The following EIF4H variants were observed in gnomAD, a reference collection of about 807,000 sequenced individuals.
EIF4H encodes eukaryotic translation initiation factor 4H.
Under a neutral mutation model 30.6 loss-of-function variants are expected in EIF4H, and 8 were observed. That is an observed-to-expected ratio of 0.26 (90% CI 0.15 to 0.47). The LOEUF (loss-of-function observed/expected upper bound fraction) is 0.47. EIF4H is among the 20% of genes least tolerant of loss of function. The pLI is 0.99. For synonymous variants in EIF4H, 106 were observed against 122.7 expected (o/e 0.86, Z 0.90); for missense variants, 188 against 339.5 (o/e 0.55, Z 3.51).
intron 5 of EIF4H, 121 bp from the exon 6 acceptor site, chr7:74,194,620 T>C (rs1308849853): frequency 1.4e-5 from 19 of 1,375,268 alleles, no homozygotes; most frequent in African/African-American, 2.9e-5. Context: ...TGGAGAGACT[T>C]CAGATAGTGG....
intron 1 of EIF4H, among the ~76,000 whole-genome samples, chr7:74,183,316 G>T (rs975654562): frequency 6.6e-6 from 1 of 152,152 alleles, no homozygotes; most frequent in East Asian, 1.9e-4. Context: ...TCCTGAATTG[G>T]CACGCTCTGC....
chr7:74,185,923 C>T (rs782018032), intron 1 of EIF4H, among the ~76,000 whole-genome samples: 9 of 151,906 alleles, frequency 5.9e-5, no homozygotes, highest in Non-Finnish European at 1.2e-4. Context: ...AAAAAAAAAT[C>T]ACCCCCTTAA....
chr7:74,187,474 T>C (rs1801111618), intron 1 of EIF4H, 137 bp from the exon 2 acceptor site: 10 of 849,098 alleles, frequency 1.2e-5, no homozygotes, highest in Non-Finnish European at 1.7e-5. Flanking sequence ...CCAGCCATTC[T>C]CTGTAACAGT....
chr7:74,191,820 C>A (rs1205630241), intron 5 of EIF4H, among the ~76,000 whole-genome samples: 1 of 152,000 alleles, frequency 6.6e-6, no homozygotes, highest in Non-Finnish European at 1.5e-5. Context: ...TGCTCTGTTG[C>A]CCAGGCTGGA....
intron 1 of EIF4H, among the ~76,000 whole-genome samples, chr7:74,181,083 G>A (rs1447892078): frequency 1.3e-5 from 2 of 152,108 alleles, no homozygotes; most frequent in Non-Finnish European, 2.9e-5. Context: ...TACCTTCATA[G>A]TGTTGTGTAA....
At chr7:74,180,727 C>T (rs997980778) in intron 1 of EIF4H, among the ~76,000 whole-genome samples, 3 of 152,172 alleles carry the variant, frequency 2.0e-5, no homozygotes, top group Non-Finnish European at 4.4e-5. Context: ...AAGGGCTGAG[C>T]AGCTTCAGTG....
chr7:74,182,390 C>T (rs1382003239), intron 1 of EIF4H, among the ~76,000 whole-genome samples: 2 of 152,182 alleles, frequency 1.3e-5, no homozygotes, highest in African/African-American at 2.4e-5. Flanking sequence ...GGGGTTTTGC[C>T]GTGTTCCCCA....
At chr7:74,187,497 C>T (rs1175156758) in intron 1 of EIF4H, 114 bp from the exon 2 acceptor site, 5 of 1,090,028 alleles carry the variant, frequency 4.6e-6, no homozygotes, top group Non-Finnish European at 6.3e-6. Flanking sequence ...TGTGGTACAT[C>T]GAGCAGAGTG....
At chr7:74,187,123 G>A (rs993783655) in intron 1 of EIF4H, among the ~76,000 whole-genome samples, 19 of 152,218 alleles carry the variant, frequency 1.2e-4, no homozygotes, top group African/African-American at 4.6e-4. Flanking sequence ...AGAAGCAGTT[G>A]TCTTAGGAAG....
chr7:74,175,983 C>T (rs760027405), intron 1 of EIF4H, among the ~76,000 whole-genome samples: 1 of 152,140 alleles, frequency 6.6e-6, no homozygotes, highest in Admixed American at 6.6e-5. Flanking sequence ...CAAATCTCCA[C>T]AGCAGATGAA....
intron 5 of EIF4H, among the ~76,000 whole-genome samples, chr7:74,192,365 C>T (rs1801240053): frequency 6.6e-6 from 1 of 152,112 alleles, no homozygotes; most frequent in Non-Finnish European, 1.5e-5. Flanking sequence ...AGTGTATTTC[C>T]CCTAAAGCAG....
chr7:74,187,808 G>T lies in EIF4H; in HGVS notation c.247+10G>T, dbSNP rs782487514. The T allele has an allele frequency of 1.9e-6, 3 of 1,598,634 alleles. No homozygotes were observed. The highest frequency in any genetic ancestry group is 2.6e-6 in the Non-Finnish European group (3 of 1,169,216). On this transcript the variant is annotated intron_variant, in intron 2 of 6. Coordinates refer to ENST00000265753, the MANE Select transcript of EIF4H (RefSeq NM_022170.2). Reference sequence around the variant, plus strand: ...ACAGATAAATTTAAAGGTGAGTTTGGGGGATTCTTATTGTATATTACTGTA... The same window carrying T: ...ACAGATAAATTTAAAGGTGAGTTTGTGGGATTCTTATTGTATATTACTGTA...
intron 1 of EIF4H, among the ~76,000 whole-genome samples, chr7:74,179,896 G>C (rs1252855899): frequency 6.6e-6 from 1 of 152,104 alleles, no homozygotes; most frequent in Non-Finnish European, 1.5e-5. Context: ...TTGCTTGAAA[G>C]CTTAAATTTT....
chr7:74,175,729 T>C (rs1268799823), intron 1 of EIF4H, among the ~76,000 whole-genome samples: 1 of 152,072 alleles, frequency 6.6e-6, no homozygotes, highest in Admixed American at 6.6e-5. Flanking sequence ...ACTAGGGTTT[T>C]TTTTTTTTTC....
chr7:74,178,088 C>T (rs1268101912), intron 1 of EIF4H, among the ~76,000 whole-genome samples: 2 of 151,938 alleles, frequency 1.3e-5, no homozygotes, highest in Non-Finnish European at 1.5e-5. Flanking sequence ...TTACAGGGTG[C>T]GCCACCATGC....
At chr7:74,185,325 C>T (rs1319718795) in intron 1 of EIF4H, among the ~76,000 whole-genome samples, 1 of 152,142 alleles carries the variant, frequency 6.6e-6, no homozygotes, top group Non-Finnish European at 1.5e-5. Context: ...ATTATCCCGT[C>T]CTAAATAGTA....
At chr7:74,194,699 C>T (rs782673092) in intron 5 of EIF4H, 42 bp from the exon 6 acceptor site, 69 of 1,525,622 alleles carry the variant, frequency 4.5e-5, no homozygotes, top group South Asian at 2.3e-4. Flanking sequence ...AGCTTGGAGA[C>T]GATAGTTTGA....
At chr7:74,190,136 T>C in intron 4 of EIF4H, 111 bp from the exon 5 acceptor site, 1 of 1,216,762 alleles carries the variant, frequency 8.2e-7, no homozygotes, top group Non-Finnish European at 1.2e-6. Context: ...TTAAAATGAT[T>C]TCATTGAACC....
chr7:74,174,828 C>T (rs1243080029), intron 1 of EIF4H, among the ~76,000 whole-genome samples: 1 of 152,248 alleles, frequency 6.6e-6, no homozygotes, highest in Non-Finnish European at 1.5e-5. Context: ...GCCTGCCCCG[C>T]TCCGGTCCCG....
Sources: allele counts gnomAD v4.1 joint callset (sites outside exome capture counted in the v4.1 genomes callset), GRCh38; gene constraint gnomAD v4.1.1; transcripts MANE v1.5; gene names NCBI Gene and HGNC (gene_info 2026-07-23, HGNC 2026-07-21).